The following DYDC1 variants were observed in gnomAD, a reference collection of about 807,000 sequenced individuals.
DYDC1 encodes DPY30 domain-containing protein 1.
In DYDC1, 21 loss-of-function variants were observed where a neutral mutation model predicts 27.9. The ratio of observed to expected loss-of-function variants is 0.75; its 90% confidence interval spans 0.53 to 1.08. The LOEUF (loss-of-function observed/expected upper bound fraction) is 1.08. Among genes scored for constraint, DYDC1 ranks in the 50% least tolerant of loss-of-function variants. The probability of loss-of-function intolerance (pLI) is 0.00; values close to 1 mark genes in which losing one functional copy is unlikely to be tolerated. For synonymous variants in DYDC1, 67 were observed against 65.8 expected (o/e 1.02, Z -0.09); for missense variants, 202 against 205.9 (o/e 0.98, Z 0.12).
At chr10:80,336,803 C>G (rs1482143115) in intron 6 of DYDC1, among the ~76,000 whole-genome samples, 1 of 152,174 alleles carries the variant, frequency 6.6e-6, no homozygotes, top group African/African-American at 2.4e-5. Flanking sequence ...TCCTGTAAGC[C>G]AATCTTAAAT....
chr10:80,345,048 A>G (rs1228301784), intron 3 of DYDC1, among the ~76,000 whole-genome samples: 1 of 84,464 alleles, frequency 1.2e-5, no homozygotes, highest in African/African-American at 6.6e-5. Context: ...AAATTTACAA[A>G]GCTCATGAGA....
chr10:80,356,412 G>C, intron 1 of DYDC1: 1 of 985,602 alleles, frequency 1.0e-6, no homozygotes, highest in Non-Finnish European at 1.2e-6. Context: ...ACCCGGGCAG[G>C]GGTGCCAGAT....
At chr10:80,336,516 G>A in intron 6 of DYDC1, 1 of 191,660 alleles carries the variant, frequency 5.2e-6, no homozygotes, top group Non-Finnish European at 9.6e-6. Flanking sequence ...CTCTCTCCTA[G>A]GTACCTTACT....
intron 4 of DYDC1, 109 bp downstream of exon 4, chr10:80,342,160 T>A: frequency 9.8e-7 from 1 of 1,017,988 alleles, no homozygotes; most frequent in Non-Finnish European, 1.5e-6. Flanking sequence ...GTATGTGGCA[T>A]GTCTTCAGAC....
At chr10:80,351,345 A>T (rs145923205) in intron 3 of DYDC1, among the ~76,000 whole-genome samples, 7 of 151,396 alleles carry the variant, frequency 4.6e-5, no homozygotes, top group Admixed American at 3.3e-4. Context: ...CGAATCATCC[A>T]CTCTATTTCC....
chr10:80,338,002 A>G, intron 6 of DYDC1: 1 of 849,460 alleles, frequency 1.2e-6, no homozygotes, highest in Non-Finnish European at 1.4e-6. Context: ...CATAAGGTCA[A>G]AGCCATCTGC....
chr10:80,347,607 T>A (rs1214304100), intron 3 of DYDC1, among the ~76,000 whole-genome samples: 1 of 152,232 alleles, frequency 6.6e-6, no homozygotes, highest in African/African-American at 2.4e-5. Context: ...AGGTCTTTAA[T>A]CTATTTTGAA....
rs376039277 is a variant in DYDC1 at position 80,346,338 on chromosome 10, C to T, written c.250-3977G>A. ...TGGTAGCTTTTAATTTTTTGAAATA[C>T]ACCCATACCATTTTGCATAATGGCT... On this transcript the variant is annotated intron_variant, in intron 3 of 6. Coordinates refer to ENST00000372202, the MANE Select transcript of DYDC1 (RefSeq NM_001269053.2). 1.3e-4 allele frequency among the ~76,000 whole-genome samples: 19 copies of T among 151,194 alleles called. No individual in the cohort carries two copies. The East Asian group carries it at 3.5e-3, about 28-fold the overall frequency.
intron 3 of DYDC1, among the ~76,000 whole-genome samples, chr10:80,347,255 G>A (rs1842704940): frequency 7.7e-6 from 1 of 129,592 alleles, no homozygotes; most frequent in South Asian, 2.6e-4. Context: ...TAGGTCCTTT[G>A]CCCATTTTTT....
intron 3 of DYDC1, among the ~76,000 whole-genome samples, chr10:80,342,907 G>C (rs1221176251): frequency 6.6e-6 from 1 of 150,920 alleles, no homozygotes; most frequent in Non-Finnish European, 1.5e-5. Context: ...CTTGAACCTG[G>C]GAGGTGGAGG....
chr10:80,353,388 T>C (rs1843122458), intron 1 of DYDC1, among the ~76,000 whole-genome samples: 1 of 151,226 alleles, frequency 6.6e-6, no homozygotes, highest in African/African-American at 2.4e-5. Context: ...GGTCTCGATC[T>C]CCTGACCTCG....
chr10:80,349,116 C>T (rs974013949), intron 3 of DYDC1, among the ~76,000 whole-genome samples: 1 of 152,208 alleles, frequency 6.6e-6, no homozygotes, highest in Non-Finnish European at 1.5e-5. Flanking sequence ...TGGTCTCGAT[C>T]TCCTGACCCT....
intron 3 of DYDC1, among the ~76,000 whole-genome samples, chr10:80,347,724 G>C (rs11202638): frequency 1.3e-5 from 2 of 152,044 alleles, no homozygotes; most frequent in African/African-American, 4.8e-5. Flanking sequence ...TTTTCCCTTT[G>C]TGTTTTCTTG....
chr10:80,347,509 C>CA (rs1468861812), intron 3 of DYDC1, among the ~76,000 whole-genome samples: 1 of 152,040 alleles, frequency 6.6e-6, no homozygotes, highest in Non-Finnish European at 1.5e-5. Context: ...GTGTCATACC[C>CA]AAAAAATTAT....
intron 3 of DYDC1, among the ~76,000 whole-genome samples, chr10:80,342,688 A>T (rs866368445): frequency 5.3e-5 from 8 of 152,334 alleles, no homozygotes; most frequent in African/African-American, 1.9e-4. Flanking sequence ...AGTGGGTGAG[A>T]AACTCTTCAG....
At position 80,338,529 on chromosome 10, in the gene DYDC1, C is replaced by A. The variant is rs140462481; in HGVS notation, c.442G>T (p.Asp148Tyr). ...DSGKTLAEIS[D>Y]RYGAPNLSRV... The stretch of plus-strand genomic sequence containing the variant: ...CTCAAGTTAGGTGCTCCATAACGAT[C>A]GCTGATTTCAGCTAGTGTTTTGCCT... The change falls in exon 6 of 7, where the codon GAT (aspartate) becomes TAT (tyrosine). Residue 148 changes from aspartate (D) to tyrosine (Y), a missense_variant. By Grantham distance (160) the Asp-to-Tyr change is radical (BLOSUM62 -3). Transcript: ENST00000372202. The A allele has an allele frequency of 7.2e-5, 116 of 1,610,414 alleles. No homozygotes were observed. The highest frequency in any genetic ancestry group is 9.2e-5 in the Non-Finnish European group (108 of 1,178,746).
At position 80,338,485 on chromosome 10, in the gene DYDC1, A is replaced by G. The variant is rs1337100218; in HGVS notation, c.486T>C (p.Asp162=). 6.2e-7 allele frequency: 1 copy of G among 1,613,304 alleles called. No homozygotes were observed. Among genetic ancestry groups the G allele is most frequent in the Non-Finnish European group, 8.5e-7 (1 of 1,179,642 alleles). The change falls in exon 6 of 7, where the codon GAT becomes GAC. Residue 162 remains aspartate, a synonymous_variant. Coordinates refer to ENST00000372202, the MANE Select transcript of DYDC1 (RefSeq NM_001269053.2). Reference sequence around the variant, plus strand: ...TACTGACATCAGAAAACATTGGTTCATCAAGTTCTTCCACTCTGCTCAAGT... The same window carrying G: ...TACTGACATCAGAAAACATTGGTTCGTCAAGTTCTTCCACTCTGCTCAAGT... ...APNLSRVEEL[D]EPMFSDIALN...
At chr10:80,354,732 T>C (rs973084686) in intron 1 of DYDC1, among the ~76,000 whole-genome samples, 7 of 152,034 alleles carry the variant, frequency 4.6e-5, no homozygotes, top group Non-Finnish European at 1.0e-4. Context: ...CTCTCTGCCA[T>C]CTGAGAATAA....
chr10:80,353,110 T>C (rs1233473236), intron 1 of DYDC1, among the ~76,000 whole-genome samples: 3 of 151,476 alleles, frequency 2.0e-5, no homozygotes. Flanking sequence ...TCCTAAGCCA[T>C]GAGAGCCGTT....
Sources: gnomAD v4.1 joint callset for allele counts (sites outside exome capture counted in the v4.1 genomes callset) on GRCh38, gnomAD v4.1.1 for gene constraint, MANE v1.5 for transcripts, NCBI Gene and HGNC (gene_info 2026-07-23, HGNC 2026-07-21) for gene names.